TCF4: variants seen among roughly 807,000 people sequenced by gnomAD.
TCF4 encodes SL3-3 enhancer factor 2.
TCF4 carries 3 observed loss-of-function variants against 82.1 expected under a neutral mutation model. That is an observed-to-expected ratio of 0.04 (90% confidence interval 0.02 to 0.09). The LOEUF (loss-of-function observed/expected upper bound fraction) is 0.09. Among genes scored for constraint, TCF4 ranks in the 10% least tolerant of loss-of-function variants. TCF4 has a pLI of 1.00. For missense variants in TCF4, 518 were observed against 852.7 expected, an observed-to-expected ratio of 0.61 and a Z score of 4.89; for synonymous variants, 276 against 309.6, an observed-to-expected ratio of 0.89 and a Z score of 1.14.
intron 8 of TCF4, among the ~76,000 whole-genome samples, chr18:55,301,835 G>A (rs2068422855): frequency 6.7e-6 from 1 of 150,136 alleles, no homozygotes; most frequent in South Asian, 2.1e-4. Context: ...TCGGGTGGGG[G>A]AGAGTTATCA....
At chr18:55,562,324 TCC>T (rs2097362238) in intron 3 of TCF4, among the ~76,000 whole-genome samples, 1 of 152,230 alleles carries the variant, frequency 6.6e-6, no homozygotes. Flanking sequence ...TTAAAAAATG[TCC>T]TTTATAGATA....
chr18:55,614,574 C>G (rs2097710090), intron 2 of TCF4, among the ~76,000 whole-genome samples: 1 of 152,146 alleles, frequency 6.6e-6, no homozygotes, highest in Non-Finnish European at 1.5e-5. Flanking sequence ...GTATAAAGGT[C>G]TGTTCAAATC....
chr18:55,503,812 T>C (rs549900152), intron 3 of TCF4, among the ~76,000 whole-genome samples: 6 of 152,306 alleles, frequency 3.9e-5, no homozygotes, highest in Admixed American at 3.3e-4. Flanking sequence ...CTGTGGCTCA[T>C]ACCTGTAATC....
chr18:55,449,054 C>A (rs1395860061), intron 5 of TCF4, among the ~76,000 whole-genome samples: 1 of 152,014 alleles, frequency 6.6e-6, no homozygotes, highest in East Asian at 1.9e-4. Flanking sequence ...TCAGGAGAAA[C>A]AAAAAAATTC....
chr18:55,455,179 CA>C (rs35889370), intron 5 of TCF4, among the ~76,000 whole-genome samples: 4,065 of 67,348 alleles, frequency 0.06, 39 homozygotes, highest in African/African-American at 0.16. Flanking sequence ...GACTCTGTCT[CA>C]AAAAAAAAAA....
chr18:55,380,356 T>C (rs532336187), intron 6 of TCF4, among the ~76,000 whole-genome samples: 1 of 152,092 alleles, frequency 6.6e-6, no homozygotes, highest in South Asian at 2.1e-4. Context: ...TGCCATGGTG[T>C]TTTGCTGCAC....
intron 5 of TCF4, among the ~76,000 whole-genome samples, chr18:55,456,911 G>A (rs2095768002): frequency 6.6e-6 from 1 of 152,108 alleles, no homozygotes; most frequent in African/African-American, 2.4e-5. Context: ...GTCTCCAATA[G>A]GTCCAGTGTA....
intron 5 of TCF4, among the ~76,000 whole-genome samples, chr18:55,443,881 T>C (rs2095482370): frequency 6.6e-6 from 1 of 152,250 alleles, no homozygotes; most frequent in African/African-American, 2.4e-5. Context: ...GGGATTCCTC[T>C]ATGCATTATA....
chr18:55,364,448 T>C (rs533231647), intron 6 of TCF4, among the ~76,000 whole-genome samples: 1 of 152,340 alleles, frequency 6.6e-6, no homozygotes, highest in South Asian at 2.1e-4. Context: ...AATTCCTCCA[T>C]CCTCAGTCAA....
intron 5 of TCF4, among the ~76,000 whole-genome samples, chr18:55,411,884 G>A (rs181647401): frequency 1.5e-4 from 23 of 152,138 alleles, no homozygotes; most frequent in African/African-American, 4.3e-4. Context: ...GGGATTACAC[G>A]CATGTGCCAC....
chr18:55,251,494 G>C (rs1264812930), intron 15 of TCF4, among the ~76,000 whole-genome samples: 1 of 152,152 alleles, frequency 6.6e-6, no homozygotes, highest in Non-Finnish European at 1.5e-5. Context: ...ACAACTTCAA[G>C]CTGCTGCAGA....
chr18:55,260,062 A>G (rs1250630523), intron 12 of TCF4, 35 bp from the exon 13 acceptor site: 8 of 1,457,500 alleles, frequency 5.5e-6, no homozygotes, highest in Non-Finnish European at 7.7e-6. Context: ...AAACACCCTC[A>G]TTCATTAAAA....
chr18:55,377,487 C>A (rs2091036616), intron 6 of TCF4, among the ~76,000 whole-genome samples: 1 of 151,990 alleles, frequency 6.6e-6, no homozygotes. Context: ...AAATATAGAC[C>A]CAGACTCAAG....
chr18:55,462,992 G>C (rs1409577655), intron 4 of TCF4, among the ~76,000 whole-genome samples: 1 of 152,156 alleles, frequency 6.6e-6, no homozygotes, highest in Non-Finnish European at 1.5e-5. Flanking sequence ...TTGACAGCTT[G>C]ATTACCTTCC....
intron 3 of TCF4, among the ~76,000 whole-genome samples, chr18:55,493,082 A>G (rs1473022861): frequency 6.6e-6 from 1 of 152,198 alleles, no homozygotes; most frequent in African/African-American, 2.4e-5. Flanking sequence ...ATACTCGGGT[A>G]GAGGACCTCC....
At chr18:55,540,798 C>A (rs911628023) in intron 3 of TCF4, among the ~76,000 whole-genome samples, 1 of 151,942 alleles carries the variant, frequency 6.6e-6, no homozygotes, top group African/African-American at 2.4e-5. Context: ...TTTGATATTT[C>A]AGGATTTCGT....
chr18:55,331,318 T>C (rs1054377639), intron 8 of TCF4, among the ~76,000 whole-genome samples: 1 of 152,236 alleles, frequency 6.6e-6, no homozygotes, highest in Non-Finnish European at 1.5e-5. Context: ...ATAAGGACTA[T>C]ATTCTAGAAT....
intron 8 of TCF4, among the ~76,000 whole-genome samples, chr18:55,298,611 C>G (rs2067206713): frequency 6.6e-6 from 1 of 152,176 alleles, no homozygotes; most frequent in African/African-American, 2.4e-5. Flanking sequence ...CTTAAGCTAT[C>G]ACACTGAATG....
intron 6 of TCF4, among the ~76,000 whole-genome samples, chr18:55,377,070 T>C (rs2090940539): frequency 6.6e-6 from 1 of 152,224 alleles, no homozygotes; most frequent in Non-Finnish European, 1.5e-5. Flanking sequence ...ATTGCCTACC[T>C]ACCAGTTCTT....
Sources: gnomAD v4.1 joint callset for allele counts (sites outside exome capture counted in the v4.1 genomes callset) on GRCh38, gnomAD v4.1.1 for gene constraint, MANE v1.5 for transcripts, NCBI Gene and HGNC (gene_info 2026-07-23, HGNC 2026-07-21) for gene names.